The following MGAT4C variants were observed in gnomAD, a reference collection of about 807,000 sequenced individuals.
MGAT4C encodes MGAT4 family member C.
In MGAT4C, 19 loss-of-function variants were observed where a neutral mutation model predicts 40.1. The ratio of observed to expected loss-of-function variants is 0.47; its 90% CI spans 0.33 to 0.70. MGAT4C has a LOEUF of 0.70. Among genes scored for constraint, MGAT4C ranks in the 30% least tolerant of loss-of-function variants. The pLI, the probability that MGAT4C is intolerant of heterozygous loss-of-function variation, is 0.02. For synonymous variants in MGAT4C, 181 were observed against 187.1 expected, an observed-to-expected ratio of 0.97 and a Z score of 0.27; for missense variants, 491 against 563.2, an observed-to-expected ratio of 0.87 and a Z score of 1.30.
At chr12:86,220,222 G>A (rs988049814) in intron 1 of MGAT4C, among the ~76,000 whole-genome samples, 1 of 152,050 alleles carries the variant, frequency 6.6e-6, no homozygotes, top group Admixed American at 6.6e-5. Context: ...CATCCTAGAT[G>A]TGGGCAGCTT....
intron 1 of MGAT4C, among the ~76,000 whole-genome samples, chr12:86,230,080 T>C (rs927863721): frequency 6.6e-6 from 1 of 152,020 alleles, no homozygotes; most frequent in African/African-American, 2.4e-5. Context: ...AAGGATTCAG[T>C]TGGCTTTATG....
At chr12:86,283,584 A>G (rs1436061810) in intron 4 of MGAT4C, among the ~76,000 whole-genome samples, 1 of 152,064 alleles carries the variant, frequency 6.6e-6, no homozygotes, top group African/African-American at 2.4e-5. Context: ...TTAAATATGA[A>G]ATCAAAATAT....
At chr12:86,170,211 T>C (rs1886664973) in intron 1 of MGAT4C, among the ~76,000 whole-genome samples, 1 of 152,206 alleles carries the variant, frequency 6.6e-6, no homozygotes, top group African/African-American at 2.4e-5. Context: ...TGGGACAGTC[T>C]TGAGCAAGAA....
chr12:86,149,968 C>T (rs1884067294), intron 1 of MGAT4C, among the ~76,000 whole-genome samples: 1 of 152,182 alleles, frequency 6.6e-6, no homozygotes, highest in Non-Finnish European at 1.5e-5. Flanking sequence ...TTTGTGCAGA[C>T]ATCTAAGTCA....
chr12:86,596,238 A>C (rs1393909641), intron 2 of MGAT4C, among the ~76,000 whole-genome samples: 2 of 152,068 alleles, frequency 1.3e-5, no homozygotes, highest in African/African-American at 4.8e-5. Context: ...ACAAGTACCA[A>C]CTCTTGCTCA....
At chr12:86,484,743 C>G (rs1957989329) in intron 2 of MGAT4C, among the ~76,000 whole-genome samples, 1 of 152,124 alleles carries the variant, frequency 6.6e-6, no homozygotes, top group Admixed American at 6.5e-5. Flanking sequence ...GACAGCCTTT[C>G]CTGAGAGAGC....
chr12:86,750,421 G>A (rs139914793), intron 1 of MGAT4C, among the ~76,000 whole-genome samples: 1 of 151,782 alleles, frequency 6.6e-6, no homozygotes, highest in Non-Finnish European at 1.5e-5. Flanking sequence ...TTTTAAACTA[G>A]ATCTGCTTTA....
At chr12:86,636,164 C>T (rs1318876461) in intron 2 of MGAT4C, among the ~76,000 whole-genome samples, 2 of 151,984 alleles carry the variant, frequency 1.3e-5, no homozygotes, top group South Asian at 2.1e-4. Flanking sequence ...TGTAATTGTA[C>T]TCTATAATGT....
intron 1 of MGAT4C, among the ~76,000 whole-genome samples, chr12:86,233,235 G>C (rs1951401216): frequency 6.6e-6 from 1 of 152,132 alleles, no homozygotes; most frequent in South Asian, 2.1e-4. Context: ...TTCATAAGCA[G>C]CTTATATGCA....
intron 2 of MGAT4C, among the ~76,000 whole-genome samples, chr12:86,504,521 A>G (rs541845268): frequency 2.6e-5 from 4 of 152,234 alleles, no homozygotes; most frequent in Non-Finnish European, 4.4e-5. Flanking sequence ...ACTAATTCAG[A>G]TTAGATTGTT....
chr12:86,577,176 C>T (rs60170075), intron 2 of MGAT4C, among the ~76,000 whole-genome samples: 4,692 of 151,830 alleles, frequency 0.031, 120 homozygotes, highest in African/African-American at 0.074. Context: ...TGCAACTTTA[C>T]TGAATTTATC....
Position 86,041,835 on chromosome 12 carries a change from C to T in MGAT4C, c.-7+7839G>A, listed in dbSNP as rs569786288. ...GAGTTCTGTAGGTGTCTATTAGGTCCATTTGGTTGAGTTCAGGTCCTGAAT... is the reference window on the plus strand; with the variant it reads ...GAGTTCTGTAGGTGTCTATTAGGTCTATTTGGTTGAGTTCAGGTCCTGAAT... On this transcript the variant is annotated intron_variant, in intron 2 of 4. Coordinates refer to ENST00000611864, the MANE Select transcript of MGAT4C (RefSeq NM_001351288.2). 2.5e-4 allele frequency among the ~76,000 whole-genome samples: 38 copies of T among 152,064 alleles called. No homozygotes were observed. The South Asian group carries it at 7.5e-3, about 30-fold the overall frequency.
intron 3 of MGAT4C, among the ~76,000 whole-genome samples, chr12:86,345,418 C>T (rs1245134118): frequency 6.6e-6 from 1 of 151,948 alleles, no homozygotes; most frequent in African/African-American, 2.4e-5. Context: ...AATGCTATCC[C>T]TCCCCCCTTC....
chr12:86,535,713 C>T (rs1959056902), intron 2 of MGAT4C, among the ~76,000 whole-genome samples: 1 of 152,060 alleles, frequency 6.6e-6, no homozygotes, highest in African/African-American at 2.4e-5. Context: ...CCAATGAAAT[C>T]ACTAATAAGG....
At chr12:86,464,378 T>A (rs752245393) in intron 2 of MGAT4C, among the ~76,000 whole-genome samples, 3 of 152,180 alleles carry the variant, frequency 2.0e-5, no homozygotes, top group Admixed American at 6.5e-5. Context: ...GAAAATTGTA[T>A]CCGCAGTTCT....
At chr12:86,344,066 A>G (rs920152140) in intron 3 of MGAT4C, among the ~76,000 whole-genome samples, 3 of 152,206 alleles carry the variant, frequency 2.0e-5, no homozygotes, top group Non-Finnish European at 4.4e-5. Flanking sequence ...AATTGCCAGA[A>G]TAAAGTAAGA....
intron 4 of MGAT4C, among the ~76,000 whole-genome samples, chr12:86,303,559 TA>T (rs67440846): frequency 1.2e-4 from 17 of 145,934 alleles, no homozygotes; most frequent in East Asian, 4.1e-4. Flanking sequence ...GGAAGACACT[TA>T]AAAAAAAAAG....
intron 1 of MGAT4C, among the ~76,000 whole-genome samples, chr12:86,096,230 A>G (rs1873887502): frequency 6.6e-6 from 1 of 151,732 alleles, no homozygotes; most frequent in Admixed American, 6.6e-5. Flanking sequence ...GTCTTACTAG[A>G]ACTGGTGTTA....
intron 1 of MGAT4C, among the ~76,000 whole-genome samples, chr12:86,107,718 G>A (rs973217544): frequency 6.6e-6 from 1 of 151,970 alleles, no homozygotes; most frequent in Non-Finnish European, 1.5e-5. Context: ...ACCTTTTCTG[G>A]TTACTGGCAG....
Sources: gnomAD v4.1 joint callset for allele counts (sites outside exome capture counted in the v4.1 genomes callset) on GRCh38, gnomAD v4.1.1 for gene constraint, MANE v1.5 for transcripts, NCBI Gene and HGNC (gene_info 2026-07-23, HGNC 2026-07-21) for gene names.